Variants in PLCB1 observed in about 807,000 individuals in gnomAD.
PLCB1 encodes the protein 1-phosphatidylinositol 4,5-bisphosphate phosphodiesterase beta-1.
PLCB1 carries 46 observed loss-of-function variants against 161.8 expected under a neutral mutation model. The observed-to-expected ratio is 0.28, with a 90% CI of 0.22 to 0.36. The LOEUF (loss-of-function observed/expected upper bound fraction) is 0.36, where lower values mean the gene tolerates loss of function less well. PLCB1 is among the 10% of genes least tolerant of loss of function. The probability of loss-of-function intolerance (pLI) is 1.00; values close to 1 mark genes in which losing one functional copy is unlikely to be tolerated. For synonymous variants in PLCB1, 517 were observed against 503.7 expected, an observed-to-expected ratio of 1.03 and a Z score of -0.35; for missense variants, 1,016 against 1,472.5, an observed-to-expected ratio of 0.69 and a Z score of 5.07.
At chr20:8,824,628 C>T (rs946190305) in intron 31 of PLCB1, among the ~76,000 whole-genome samples, 1 of 152,104 alleles carries the variant, frequency 6.6e-6, no homozygotes, top group Non-Finnish European at 1.5e-5. Context: ...GTATTCTGGC[C>T]ACCAGAATTG....
chr20:8,872,462 T>G lies in PLCB1; in HGVS notation c.3424-9160T>G, dbSNP rs1277019117. Among the ~76,000 whole-genome samples the G allele has an allele frequency of 2.6e-5, 4 of 152,336 alleles. No individual in the cohort carries two copies. The East Asian group carries it at 7.7e-4, about 29-fold the overall frequency. ...AAGTTGAACAAAAGCTGCATTTTAC[T>G]TGAGTGGTTTGTAATTTTGAACTTG... On this transcript the variant is annotated intron_variant, in intron 31 of 31. Transcript: ENST00000338037.
chr20:8,143,442 C>T (rs1292329396), intron 1 of PLCB1, among the ~76,000 whole-genome samples: 1 of 152,188 alleles, frequency 6.6e-6, no homozygotes, highest in Non-Finnish European at 1.5e-5. Context: ...ACTGATGTCT[C>T]TTTTAAGCAT....
intron 2 of PLCB1, among the ~76,000 whole-genome samples, chr20:8,325,223 CAG>C (rs1985102457): frequency 6.6e-6 from 1 of 152,062 alleles, no homozygotes; most frequent in Non-Finnish European, 1.5e-5. Context: ...TTCTGAAAAA[CAG>C]TGTTTTAGAT....
intron 9 of PLCB1, among the ~76,000 whole-genome samples, chr20:8,667,027 A>C (rs1416647033): frequency 6.6e-6 from 1 of 152,186 alleles, no homozygotes; most frequent in Non-Finnish European, 1.5e-5. Context: ...TCTGCCTCAC[A>C]ATTAAGGTGG....
intron 26 of PLCB1, among the ~76,000 whole-genome samples, chr20:8,773,936 T>A (rs1413103055): frequency 1.3e-5 from 2 of 148,910 alleles, no homozygotes; most frequent in East Asian, 3.9e-4. Context: ...ATCATGCCAC[T>A]GCACTCCAGC....
chr20:8,316,157 C>T (rs564826160), intron 2 of PLCB1, among the ~76,000 whole-genome samples: 3 of 152,206 alleles, frequency 2.0e-5, no homozygotes, highest in Non-Finnish European at 4.4e-5. Flanking sequence ...ACTGCTAACT[C>T]TACAAAGCGC....
chr20:8,697,928 G>A, intron 11 of PLCB1, 145 bp downstream of exon 11: 1 of 658,014 alleles, frequency 1.5e-6, no homozygotes. Flanking sequence ...GCTAAAATTT[G>A]GCTGTTTATT....
intron 25 of PLCB1, among the ~76,000 whole-genome samples, chr20:8,764,626 C>T (rs1982219411): frequency 6.6e-6 from 1 of 152,174 alleles, no homozygotes; most frequent in African/African-American, 2.4e-5. Context: ...GAAGCCCCCT[C>T]TCCAGATGGT....
At chr20:8,368,969 C>A (rs1339775023) in intron 2 of PLCB1, among the ~76,000 whole-genome samples, 3 of 146,922 alleles carry the variant, frequency 2.0e-5, no homozygotes, top group Non-Finnish European at 3.0e-5. Flanking sequence ...GTCTGTAGGG[C>A]ACTTTGAAAT....
At chr20:8,640,766 T>C (rs1159083236) in intron 4 of PLCB1, among the ~76,000 whole-genome samples, 1 of 152,236 alleles carries the variant, frequency 6.6e-6, no homozygotes, top group Non-Finnish European at 1.5e-5. Context: ...AGACTCCCAG[T>C]GATACAGCTG....
intron 31 of PLCB1, among the ~76,000 whole-genome samples, chr20:8,833,615 G>A (rs1986118532): frequency 6.6e-6 from 1 of 152,186 alleles, no homozygotes; most frequent in Non-Finnish European, 1.5e-5. Context: ...GTCAAGGAAT[G>A]GTGACAGCTA....
rs1986463363 is a variant in PLCB1 at position 8,570,283 on chromosome 20, T to G, written c.247-58011T>G. On this transcript the variant is annotated intron_variant, in intron 3 of 31. Coordinates refer to ENST00000338037, the MANE Select transcript of PLCB1 (RefSeq NM_015192.4). ...GGTTGTAAGCAGATCAGGGCACCCC[T>G]CTGCAACAGTGGTGGAGTCAATTCC... Among the ~76,000 whole-genome samples the G allele has an allele frequency of 2.6e-5, 4 of 152,282 alleles. No homozygotes were observed. The South Asian group carries it at 8.3e-4, about 32-fold the overall frequency.
chr20:8,570,542 T>C (rs1986471660), intron 3 of PLCB1, among the ~76,000 whole-genome samples: 1 of 151,514 alleles, frequency 6.6e-6, no homozygotes, highest in South Asian at 2.1e-4. Flanking sequence ...ACACCTACTT[T>C]GTTCCAGACA....
intron 7 of PLCB1, among the ~76,000 whole-genome samples, chr20:8,650,531 G>A (rs1989288949): frequency 6.6e-6 from 1 of 152,126 alleles, no homozygotes; most frequent in Non-Finnish European, 1.5e-5. Flanking sequence ...TGCGGGAACA[G>A]GCATGGAGCT....
chr20:8,660,844 T>C (rs1446936789), intron 9 of PLCB1, among the ~76,000 whole-genome samples: 1 of 152,136 alleles, frequency 6.6e-6, no homozygotes, highest in East Asian at 1.9e-4. Flanking sequence ...TCAACCTTAA[T>C]AGCAGTATAA....
intron 31 of PLCB1, among the ~76,000 whole-genome samples, chr20:8,877,976 A>G (rs1987838703): frequency 6.6e-6 from 1 of 152,232 alleles, no homozygotes; most frequent in African/African-American, 2.4e-5. Flanking sequence ...AATCATCATC[A>G]AAATTAAATT....
chr20:8,507,140 A>G (rs942452629), intron 3 of PLCB1, among the ~76,000 whole-genome samples: 1 of 152,186 alleles, frequency 6.6e-6, no homozygotes, highest in Non-Finnish European at 1.5e-5. Flanking sequence ...AAGAGAAAAT[A>G]TATTTACTAT....
intron 2 of PLCB1, among the ~76,000 whole-genome samples, chr20:8,345,928 CAGAAG>C (rs1420756923): frequency 1.3e-5 from 2 of 152,122 alleles, no homozygotes; most frequent in Non-Finnish European, 2.9e-5. Flanking sequence ...TCTAAACTGG[CAGAAG>C]AGAGAAGATG....
chr20:8,166,915 A>G (rs73895538), intron 2 of PLCB1, among the ~76,000 whole-genome samples: 5,398 of 152,190 alleles, frequency 0.035, 336 homozygotes, highest in African/African-American at 0.12. Context: ...CACTTCTCAC[A>G]GTTGTAATCA....
Sources: allele counts gnomAD v4.1 joint callset (sites outside exome capture counted in the v4.1 genomes callset), GRCh38; gene constraint gnomAD v4.1.1; transcripts MANE v1.5; gene names NCBI Gene and HGNC (gene_info 2026-07-23, HGNC 2026-07-21).